Variants in EPHA4 observed in about 807,000 individuals in gnomAD.
EPHA4 encodes the protein ephrin type-A receptor 4.
Under a neutral mutation model 108.3 loss-of-function variants are expected in EPHA4, and 19 were observed. The observed-to-expected ratio is 0.18, with a 90% CI of 0.12 to 0.26. The LOEUF (loss-of-function observed/expected upper bound fraction) is 0.26, where lower values mean the gene tolerates loss of function less well. EPHA4 is among the 10% of genes least tolerant of loss of function. The probability of loss-of-function intolerance (pLI) is 1.00; values close to 1 mark genes in which losing one functional copy is unlikely to be tolerated. For synonymous variants in EPHA4, 449 were observed against 455.5 expected, an observed-to-expected ratio of 0.99 and a Z score of 0.18; for missense variants, 917 against 1,254.0, an observed-to-expected ratio of 0.73 and a Z score of 4.06.
At position 221,571,689 on chromosome 2, in the gene EPHA4, C is replaced by T. The variant is rs1694843462; in HGVS notation, c.91+469G>A. ...GGCCCCGCAGCCCGGTCCCGAGAAG[C>T]GCAGGGCTCGGGAAACTTTGCAGAA... On this transcript the variant is annotated intron_variant, in intron 1 of 17. Transcript: ENST00000281821. The surrounding 1 kb of genome is among the most constrained non-coding windows in gnomAD (Gnocchi z 6.3). 6.6e-6 allele frequency among the ~76,000 whole-genome samples: 1 copy of T among 152,200 alleles called. No homozygotes were observed. The highest frequency in any genetic ancestry group is 1.5e-5 in the Non-Finnish European group (1 of 68,036).
intron 4 of EPHA4, among the ~76,000 whole-genome samples, chr2:221,498,798 T>C (rs1196283537): frequency 3.4e-5 from 3 of 87,850 alleles, no homozygotes; most frequent in Admixed American, 1.3e-4. Context: ...TTCTTTTTTT[T>C]TTTTTTTTTG....
At chr2:221,526,322 C>T (rs1435171296) in intron 3 of EPHA4, among the ~76,000 whole-genome samples, 2 of 152,106 alleles carry the variant, frequency 1.3e-5, no homozygotes, top group Admixed American at 6.5e-5. Flanking sequence ...GAAACTGGGG[C>T]ATATACAGTT....
At chr2:221,484,458 G>C (rs1342510461) in intron 4 of EPHA4, among the ~76,000 whole-genome samples, 2 of 152,094 alleles carry the variant, frequency 1.3e-5, no homozygotes, top group Non-Finnish European at 2.9e-5. Context: ...GTGAAACTTA[G>C]AAAAATGCAA....
chr2:221,481,904 C>T (rs1258276500), intron 5 of EPHA4, among the ~76,000 whole-genome samples: 1 of 152,266 alleles, frequency 6.6e-6, no homozygotes, highest in East Asian at 1.9e-4. Flanking sequence ...TCTATAAGTG[C>T]TCTGATGTCC....
At chr2:221,502,046 T>A (rs1692504824) in intron 3 of EPHA4, among the ~76,000 whole-genome samples, 1 of 152,054 alleles carries the variant, frequency 6.6e-6, no homozygotes, top group African/African-American at 2.4e-5. Flanking sequence ...TATAGTTTTT[T>A]ATACACCTGA....
chr2:221,567,011 A>AG lies in EPHA4; in HGVS notation c.159+1706_159+1707insC, dbSNP rs879798570. Among the ~76,000 whole-genome samples the AG allele has an allele frequency of 2.1e-3, 244 of 118,070 alleles. 26 individuals carry two copies. The highest frequency in any genetic ancestry group is 7.6e-3 in the Middle Eastern group (2 of 262). 77.5% of individuals were successfully genotyped at this position (118,070 alleles called of 152,430 possible). A position where few individuals can be genotyped will look rare whatever the true frequency, so the allele number is the denominator to read the frequency against. ...AAGAAGAAGAAGAAGAAGAAGAAGA[A>AG]AAAAATGTCTGCAGCATATTAAATT... On this transcript the variant is annotated intron_variant, in intron 2 of 17. Coordinates refer to ENST00000281821, the MANE Select transcript of EPHA4 (RefSeq NM_004438.5).
chr2:221,552,496 G>T (rs998720536), intron 3 of EPHA4, among the ~76,000 whole-genome samples: 9 of 152,146 alleles, frequency 5.9e-5, no homozygotes, highest in Non-Finnish European at 1.2e-4. Context: ...GCCTCCTAGG[G>T]TTCTTCAAAA....
chr2:221,549,511 T>C (rs577285987), intron 3 of EPHA4, among the ~76,000 whole-genome samples: 1 of 152,306 alleles, frequency 6.6e-6, no homozygotes, highest in East Asian at 1.9e-4. Flanking sequence ...AGAGGCTGCA[T>C]CCACATTCAC....
intron 3 of EPHA4, among the ~76,000 whole-genome samples, chr2:221,549,454 G>A (rs1476750096): frequency 6.6e-6 from 1 of 151,992 alleles, no homozygotes; most frequent in Non-Finnish European, 1.5e-5. Context: ...CTCTCTCTCT[G>A]GCTGTTGGTC....
intron 3 of EPHA4, among the ~76,000 whole-genome samples, chr2:221,536,846 G>A (rs565467464): frequency 6.6e-6 from 1 of 152,164 alleles, no homozygotes; most frequent in African/African-American, 2.4e-5. Context: ...AGCTTCTCTG[G>A]GCTTTAGTTT....
At chr2:221,472,537 G>A (rs994488663) in intron 5 of EPHA4, among the ~76,000 whole-genome samples, 1 of 152,106 alleles carries the variant, frequency 6.6e-6, no homozygotes, top group African/African-American at 2.4e-5. Flanking sequence ...TTGTTTGTAT[G>A]CACATGTCAC....
At chr2:221,495,443 A>G (rs755010306) in intron 4 of EPHA4, among the ~76,000 whole-genome samples, 1 of 152,206 alleles carries the variant, frequency 6.6e-6, no homozygotes, top group Non-Finnish European at 1.5e-5. Flanking sequence ...ACAGACTCTC[A>G]GGCCTAACCT....
intron 8 of EPHA4, among the ~76,000 whole-genome samples, chr2:221,447,504 C>G (rs1261122865): frequency 6.6e-6 from 1 of 152,144 alleles, no homozygotes; most frequent in Admixed American, 6.5e-5. Context: ...CATGCTCCAA[C>G]CTTCCCTCCC....
Position 221,437,941 on chromosome 2 carries a change from A to C in EPHA4, c.2075-819T>G, listed in dbSNP as rs192720987. ...GACTCCGTCTCAAAAAACAAACAAA[A>C]AAACAAGCATGCGACTTCTCTCCAC... On this transcript the variant is annotated intron_variant, in intron 11 of 17. Transcript: ENST00000281821. 6.3e-3 allele frequency among the ~76,000 whole-genome samples: 889 copies of C among 140,970 alleles called. 9 individuals are homozygous for C. Among genetic ancestry groups the C allele is most frequent in the African/African-American group, 0.022 (827 of 37,206 alleles). The allele number at this position is 140,970 out of a possible 152,430, so 92.5% of individuals were successfully genotyped here.
intron 11 of EPHA4, 101 bp downstream of exon 11, chr2:221,442,728 T>A: frequency 8.3e-7 from 1 of 1,208,322 alleles, no homozygotes. Context: ...CTATTAGCAA[T>A]CAGTGGGTCT....
intron 4 of EPHA4, among the ~76,000 whole-genome samples, chr2:221,486,429 T>C (rs963288454): frequency 2.0e-5 from 3 of 152,112 alleles, no homozygotes; most frequent in African/African-American, 7.2e-5. Context: ...GTATATGTGC[T>C]CCTCAAGAAT....
rs1689726461 is a variant in EPHA4, at chr2:221,420,499, G to A, written c.*873C>T. On this transcript the variant is annotated 3_prime_UTR_variant, in exon 18 of 18. Coordinates refer to ENST00000281821, the MANE Select transcript of EPHA4 (RefSeq NM_004438.5). ...GAGGGTGTGTTCTGTTTTCTTCCAC[G>A]GGCTTTGTAATCAACAGGAAGGGCT... 1 of 152,428 alleles carries A rather than the reference G, an allele frequency of 6.6e-6. No homozygotes were observed. Among genetic ancestry groups the A allele is most frequent in the Admixed American group, 6.5e-5 (1 of 15,282 alleles). The allele number at this position is 152,428 out of a possible 1,614,324, so 9.4% of individuals were successfully genotyped here.
chr2:221,463,735 C>A (rs967653137), intron 5 of EPHA4, among the ~76,000 whole-genome samples: 2 of 152,196 alleles, frequency 1.3e-5, no homozygotes, highest in Non-Finnish European at 2.9e-5. Flanking sequence ...CCATTAAACA[C>A]CTACAAGTCA....
intron 2 of EPHA4, among the ~76,000 whole-genome samples, chr2:221,565,343 T>C (rs1694598337): frequency 6.6e-6 from 1 of 152,114 alleles, no homozygotes; most frequent in Non-Finnish European, 1.5e-5. Flanking sequence ...TTAAAAATAA[T>C]CCGAAAAGCA....
Sources: allele counts gnomAD v4.1 joint callset (sites outside exome capture counted in the v4.1 genomes callset), GRCh38; gene constraint gnomAD v4.1.1; non-coding constraint Gnocchi (gnomAD v3.1); transcripts MANE v1.5; gene names NCBI Gene and HGNC (gene_info 2026-07-23, HGNC 2026-07-21).